ABCA13: variants seen among roughly 807,000 people sequenced by gnomAD.
ABCA13 encodes ATP-binding cassette sub-family A member 13.
Under a neutral mutation model 478.7 loss-of-function variants are expected in ABCA13, and 476 were observed. The ratio of observed to expected loss-of-function variants is 0.99; its 90% CI spans 0.92 to 1.07. The LOEUF (loss-of-function observed/expected upper bound fraction) is 1.07. ABCA13 is among the 50% of genes least tolerant of loss of function. ABCA13 has a pLI of 0.00. For missense variants in ABCA13, 6,060 were observed against 5,910.6 expected (o/e 1.03, Z -0.83); for synonymous variants, 2,252 against 2,158.9 (o/e 1.04, Z -1.20).
Position 48,249,246 on chromosome 7 carries a change from C to T in ABCA13, c.1900C>T (p.Leu634=), listed in dbSNP as rs184499656. 1.9e-6 allele frequency: 3 copies of T among 1,611,346 alleles called. No homozygotes were observed. Among genetic ancestry groups the T allele is most frequent in the Non-Finnish European group, 1.7e-6 (2 of 1,178,706 alleles). Residue 634 remains leucine (L), a synonymous_variant, in exon 15 of 62, where the codon CTG becomes TTG. Coordinates refer to ENST00000435803, the MANE Select transcript of ABCA13 (RefSeq NM_152701.5). ...TACACTTGAAAAAACACAATTTTTC[C>T]TGGAACAAGCATATTATTGGAAAGC... ...FHTLEKTQFF[L]EQAYYWKAFK...
At chr7:48,322,187 A>G (rs17712647) in intron 27 of ABCA13, among the ~76,000 whole-genome samples, 13,345 of 152,228 alleles carry the variant, frequency 0.088, 726 homozygotes, top group East Asian at 0.17. Flanking sequence ...ATCAGGAAAC[A>G]GAGCAGGTCC....
At chr7:48,549,103 T>G (rs1475040992) in intron 55 of ABCA13, among the ~76,000 whole-genome samples, 1 of 151,852 alleles carries the variant, frequency 6.6e-6, no homozygotes, top group Non-Finnish European at 1.5e-5. Context: ...ATGTGCAGGT[T>G]TGTTACTTAG....
intron 3 of ABCA13, among the ~76,000 whole-genome samples, chr7:48,202,492 C>T (rs1388879477): frequency 2.1e-5 from 2 of 94,776 alleles, no homozygotes; most frequent in African/African-American, 1.1e-4. Context: ...AAAGATTCTC[C>T]AAGGCCCCAC....
At chr7:48,282,548 AAAGT>A (rs1011545295) in intron 19 of ABCA13, among the ~76,000 whole-genome samples, 10 of 151,938 alleles carry the variant, frequency 6.6e-5, no homozygotes, top group African/African-American at 2.4e-4. Context: ...GGGAAAGAAA[AAAGT>A]GAGGGGTCAT....
In ABCA13 at chr7:48,218,583, A is replaced by C. The variant is rs542374102; in HGVS notation, c.288-771A>C. The stretch of plus-strand genomic sequence containing the variant: ...GGTGAGATTTCTGTTGAGTGTACGT[A>C]GCAACCACCTGTAGTAGAAGGTCCT... On this transcript the variant is annotated intron_variant, in intron 3 of 61. Coordinates refer to ENST00000435803, the MANE Select transcript of ABCA13 (RefSeq NM_152701.5). 3.3e-5 allele frequency among the ~76,000 whole-genome samples: 5 copies of C among 152,326 alleles called. 1 individual carries two copies. In the South Asian group the frequency reaches 1.0e-3, roughly 32 times the overall value.
At chr7:48,322,528 C>T (rs927116933) in intron 27 of ABCA13, among the ~76,000 whole-genome samples, 5 of 152,134 alleles carry the variant, frequency 3.3e-5, no homozygotes, top group South Asian at 2.1e-4. Flanking sequence ...CAGACAGCCA[C>T]GCCATGTCTC....
intron 42 of ABCA13, among the ~76,000 whole-genome samples, chr7:48,443,544 A>G (rs1390021592): frequency 6.6e-6 from 1 of 152,068 alleles, no homozygotes; most frequent in African/African-American, 2.4e-5. Flanking sequence ...TGCTTCTCTC[A>G]CAGGTTTCAC....
At chr7:48,385,990 A>G (rs557521122) in intron 35 of ABCA13, among the ~76,000 whole-genome samples, 10 of 152,082 alleles carry the variant, frequency 6.6e-5, no homozygotes, top group Non-Finnish European at 1.2e-4. Context: ...TCCCTTGCCC[A>G]CTTTCTAATG....
chr7:48,303,321 C>T (rs568445697), intron 23 of ABCA13, among the ~76,000 whole-genome samples: 3 of 152,122 alleles, frequency 2.0e-5, no homozygotes, highest in South Asian at 2.1e-4. Flanking sequence ...TTTTGCTGTG[C>T]GTAAGCTTTT....
At position 48,352,200 on chromosome 7, in the gene ABCA13, C is replaced by T; in HGVS notation, c.10401C>T (p.Ser3467=). The T allele has an allele frequency of 6.2e-7, 1 of 1,605,766 alleles. No homozygotes were observed. The highest frequency in any genetic ancestry group is 8.5e-7 in the Non-Finnish European group (1 of 1,174,772). The part of the protein sequence containing the change: ...SFLASIIFSN[S]LFDKNFRSES... ...CACTAGGTATCATTTTCAGCAATTC[C>T]TTATTCGACAAGAACTTCAGATCAG... Residue 3467 remains serine (S), a synonymous_variant, in exon 31 of 62, where the codon TCC becomes TCT. Transcript: ENST00000435803.
At chr7:48,542,474 C>T (rs1051815244) in intron 55 of ABCA13, among the ~76,000 whole-genome samples, 2 of 151,442 alleles carry the variant, frequency 1.3e-5, no homozygotes, top group Non-Finnish European at 3.0e-5. Context: ...TCTTTTGTGT[C>T]ATCATACACT....
chr7:48,565,964 T>TG (rs1328355001), intron 55 of ABCA13, among the ~76,000 whole-genome samples: 1 of 152,124 alleles, frequency 6.6e-6, no homozygotes, highest in Non-Finnish European at 1.5e-5. Flanking sequence ...GGTGGTAAAC[T>TG]GGGGGTTAAC....
At position 48,274,697 on chromosome 7, in the gene ABCA13, T is replaced by G. The variant is rs1347262419; in HGVS notation, c.5031T>G (p.Leu1677=). The G allele has an allele frequency of 6.2e-7, 1 of 1,613,818 alleles. No individual in the cohort carries two copies. The highest frequency in any genetic ancestry group is 2.2e-5 in the East Asian group (1 of 44,894). ...CCCTTAAGAAGGCAGACATAGACCTTTTAGTGGATCAGCTTGAACAAGTTA... is the reference window on the plus strand; with the variant it reads ...CCCTTAAGAAGGCAGACATAGACCTGTTAGTGGATCAGCTTGAACAAGTTA... The part of the protein sequence containing the change: ...MRTLKKADID[L]LVDQLEQVSV... Residue 1677 remains leucine, a synonymous_variant, in exon 17 of 62, where the codon CTT becomes CTG. Transcript: ENST00000435803.
intron 54 of ABCA13, among the ~76,000 whole-genome samples, chr7:48,527,062 G>A (rs1006372626): frequency 6.6e-6 from 1 of 152,148 alleles, no homozygotes. Context: ...TCCAGAGAGG[G>A]TGGCTGTGCA....
rs192307744 is a variant in ABCA13, at chr7:48,354,569, G to A, written c.10688+2082G>A. Among the ~76,000 whole-genome samples, 225 of 152,090 alleles carry A rather than the reference G, an allele frequency of 1.5e-3. 3 individuals are homozygous for A. Among genetic ancestry groups the A allele is most frequent in the Middle Eastern group, 0.014 (4 of 294 alleles). ...TATGAGAAACATTCCAGCCTAAAAC[G>A]TTGGAATGAGTGGAATACCCAGGTA... On this transcript the variant is annotated intron_variant, in intron 31 of 61. Coordinates refer to ENST00000435803, the MANE Select transcript of ABCA13 (RefSeq NM_152701.5).
At chr7:48,352,978 T>G (rs1313881610) in intron 31 of ABCA13, among the ~76,000 whole-genome samples, 1 of 151,954 alleles carries the variant, frequency 6.6e-6, no homozygotes, top group Non-Finnish European at 1.5e-5. Context: ...GTAATTTGGC[T>G]GCTGACATCT....
intron 55 of ABCA13, among the ~76,000 whole-genome samples, chr7:48,569,156 T>C (rs1341418180): frequency 6.6e-6 from 1 of 152,076 alleles, no homozygotes; most frequent in Non-Finnish European, 1.5e-5. Flanking sequence ...CTGTTTTCTT[T>C]AGGTTTAGTT....
At chr7:48,419,991 TA>T (rs1820532304) in intron 41 of ABCA13, among the ~76,000 whole-genome samples, 1 of 152,216 alleles carries the variant, frequency 6.6e-6, no homozygotes, top group Non-Finnish European at 1.5e-5. Context: ...TGGTAGAGGC[TA>T]TAAAATGTCT....
At chr7:48,458,038 A>G (rs1825857740) in intron 43 of ABCA13, among the ~76,000 whole-genome samples, 1 of 152,190 alleles carries the variant, frequency 6.6e-6, no homozygotes, top group Admixed American at 6.5e-5. Context: ...GGAATTCTCC[A>G]CTGACATTCA....
Sources: allele counts gnomAD v4.1 joint callset (sites outside exome capture counted in the v4.1 genomes callset), GRCh38; gene constraint gnomAD v4.1.1; transcripts MANE v1.5; gene names NCBI Gene and HGNC (gene_info 2026-07-23, HGNC 2026-07-21).